The following ADAMTS17 variants were observed in gnomAD, a reference collection of about 807,000 sequenced individuals.
ADAMTS17 encodes ADAM metallopeptidase with thrombospondin type 1 motif 17.
A neutral mutation model predicts 141.5 loss-of-function variants in ADAMTS17; 113 were observed. The observed-to-expected ratio is 0.80, with a 90% CI of 0.69 to 0.93. ADAMTS17 has a LOEUF of 0.93. ADAMTS17 is among the 40% of genes least tolerant of loss of function. ADAMTS17 has a pLI of 0.00. For missense variants in ADAMTS17, 1,659 were observed against 1,517.9 expected, an observed-to-expected ratio of 1.09 and a Z score of -1.54; for synonymous variants, 768 against 630.6, an observed-to-expected ratio of 1.22 and a Z score of -3.27.
chr15:100,292,398 GAGAGACACTCACCCCGTT>G (rs1173366328), intron 3 of ADAMTS17, among the ~76,000 whole-genome samples: 19 of 150,986 alleles, frequency 1.3e-4, no homozygotes, highest in South Asian at 4.2e-4. Context: ...GTGAAATTAC[GAGAGACACTCACCCCGTT>G]AGAGACACTC....
intron 3 of ADAMTS17, among the ~76,000 whole-genome samples, chr15:100,309,728 T>TC: frequency 6.6e-6 from 1 of 152,226 alleles, no homozygotes; most frequent in South Asian, 2.1e-4. Context: ...CCAGGGAGCA[T>TC]CCCCAAATCG....
intron 15 of ADAMTS17, among the ~76,000 whole-genome samples, chr15:100,064,350 A>T (rs1310547345): frequency 1.3e-5 from 2 of 152,166 alleles, no homozygotes; most frequent in Non-Finnish European, 2.9e-5. Context: ...AAAAGACAGT[A>T]AGTTTCTGGT....
chr15:100,206,113 G>A (rs12914220), intron 7 of ADAMTS17, among the ~76,000 whole-genome samples: 16 of 152,192 alleles, frequency 1.1e-4, no homozygotes, highest in South Asian at 2.1e-4. Context: ...GGGGAGCAAC[G>A]GCGGGCGGCA....
At chr15:100,088,047 T>C (rs1423029758) in intron 15 of ADAMTS17, among the ~76,000 whole-genome samples, 1 of 152,212 alleles carries the variant, frequency 6.6e-6, no homozygotes, top group African/African-American at 2.4e-5. Flanking sequence ...GGAAGTCAAA[T>C]TGTCCCTGTT....
chr15:100,181,841 C>G (rs1211735612), intron 8 of ADAMTS17, among the ~76,000 whole-genome samples: 1 of 152,244 alleles, frequency 6.6e-6, no homozygotes. Context: ...AATTAAGTTG[C>G]ATGCCCCCCA....
At chr15:100,339,571 TCCCCG>T (rs2046302467) in intron 2 of ADAMTS17, among the ~76,000 whole-genome samples, 1 of 126,586 alleles carries the variant, frequency 7.9e-6, no homozygotes, top group Admixed American at 8.0e-5. Flanking sequence ...CAACCCACAT[TCCCCG>T]CCCCAGGTCC....
At chr15:100,095,789 C>T (rs1441411286) in intron 15 of ADAMTS17, among the ~76,000 whole-genome samples, 4 of 152,056 alleles carry the variant, frequency 2.6e-5, no homozygotes, top group Non-Finnish European at 2.9e-5. Context: ...AAGATGAAGC[C>T]GGCCCATCAA....
intron 8 of ADAMTS17, among the ~76,000 whole-genome samples, chr15:100,186,508 A>G (rs1567319370): frequency 1.3e-5 from 2 of 152,210 alleles, no homozygotes; most frequent in Non-Finnish European, 1.5e-5. Context: ...TCTTGGCGCC[A>G]TCTCAATGTC....
chr15:100,114,411 G>A (rs547849980), intron 13 of ADAMTS17, among the ~76,000 whole-genome samples: 3 of 152,180 alleles, frequency 2.0e-5, no homozygotes, highest in Non-Finnish European at 4.4e-5. Context: ...TTCCCCTCCT[G>A]CCTTCTAAAT....
chr15:100,265,365 T>G (rs1159379559), intron 4 of ADAMTS17, among the ~76,000 whole-genome samples: 4 of 152,206 alleles, frequency 2.6e-5, no homozygotes, highest in Non-Finnish European at 5.9e-5. Context: ...GCAACGGCTA[T>G]ATGTTTAGGG....
intron 18 of ADAMTS17, among the ~76,000 whole-genome samples, chr15:100,009,700 G>A (rs1265623771): frequency 6.6e-6 from 1 of 152,210 alleles, no homozygotes; most frequent in Non-Finnish European, 1.5e-5. Context: ...GTTAAGAGGA[G>A]TTGCTGTTCC....
intron 15 of ADAMTS17, among the ~76,000 whole-genome samples, chr15:100,091,882 T>C (rs2035491953): frequency 6.6e-6 from 1 of 152,222 alleles, no homozygotes; most frequent in Admixed American, 6.5e-5. Context: ...ATTACTATCT[T>C]ACGTTTCTCC....
intron 18 of ADAMTS17, among the ~76,000 whole-genome samples, chr15:100,048,232 G>A (rs1596299175): frequency 6.6e-6 from 1 of 152,144 alleles, no homozygotes; most frequent in East Asian, 1.9e-4. Context: ...AGGCCAAAGG[G>A]TGACATGCCA....
intron 3 of ADAMTS17, among the ~76,000 whole-genome samples, chr15:100,301,205 T>C (rs938831145): frequency 6.6e-5 from 10 of 152,368 alleles, no homozygotes; most frequent in Non-Finnish European, 1.3e-4. Flanking sequence ...AACTCATTTC[T>C]AAGTCCTTGT....
At position 100,281,394 on chromosome 15, in the gene ADAMTS17, CTTCTT is replaced by C; in HGVS notation, c.619_623del (p.Lys207GlufsTer68). On this transcript the variant is annotated frameshift_variant and splice_region_variant, in exon 4 of 22. Coordinates refer to ENST00000268070, the MANE Select transcript of ADAMTS17 (RefSeq NM_139057.4). LOFTEE classifies it high-confidence loss of function. The stretch of plus-strand genomic sequence containing the variant: ...GCGAAGGCCTGCCCCACGTCGGCTT[CTTCTT>C]TTCTAGAAAATGATGGAAACATTTG... 6.2e-7 allele frequency: 1 copy of C among 1,612,036 alleles called. No individual in the cohort carries two copies. The highest frequency in any genetic ancestry group is 8.5e-7 in the Non-Finnish European group (1 of 1,179,890).
intron 6 of ADAMTS17, among the ~76,000 whole-genome samples, chr15:100,257,825 C>G (rs1434591224): frequency 6.6e-6 from 1 of 152,200 alleles, no homozygotes; most frequent in African/African-American, 2.4e-5. Flanking sequence ...ACTAAATTCA[C>G]TGTCATGCAA....
intron 15 of ADAMTS17, among the ~76,000 whole-genome samples, chr15:100,084,098 G>C (rs926740607): frequency 1.3e-5 from 2 of 152,114 alleles, no homozygotes; most frequent in Non-Finnish European, 2.9e-5. Context: ...CCTAGTCAAA[G>C]AAAGGGGTGA....
chr15:100,218,683 C>T (rs1020252940), intron 7 of ADAMTS17, among the ~76,000 whole-genome samples: 5 of 152,212 alleles, frequency 3.3e-5, no homozygotes, highest in African/African-American at 1.2e-4. Context: ...TCAAAATATT[C>T]AACCTAGAAT....
At chr15:99,975,270 CACGATCTCGGCTCACT>C (rs2060297402) in intron 21 of ADAMTS17, among the ~76,000 whole-genome samples, 1 of 152,196 alleles carries the variant, frequency 6.6e-6, no homozygotes, top group South Asian at 2.1e-4. Flanking sequence ...AGTGCAGTGG[CACGATCTCGGCTCACT>C]ACAACCTCTG....
Sources: gnomAD v4.1 joint callset for allele counts (sites outside exome capture counted in the v4.1 genomes callset) on GRCh38, gnomAD v4.1.1 for gene constraint, MANE v1.5 for transcripts, NCBI Gene and HGNC (gene_info 2026-07-23, HGNC 2026-07-21) for gene names.